L1TD1: variants seen among roughly 807,000 people sequenced by gnomAD.
L1TD1 encodes the protein LINE-1 type transposase domain-containing protein 1.
A neutral mutation model predicts 25.7 loss-of-function variants in L1TD1; 26 were observed. The ratio of observed to expected loss-of-function variants is 1.01; its 90% CI spans 0.74 to 1.40. The LOEUF (loss-of-function observed/expected upper bound fraction) is 1.40. Among genes scored for constraint, L1TD1 ranks in the 40% most tolerant of loss-of-function variants. The pLI is 0.00. For missense variants in L1TD1, 1,130 were observed against 975.0 expected, an observed-to-expected ratio of 1.16 and a Z score of -2.12; for synonymous variants, 421 against 335.6, an observed-to-expected ratio of 1.25 and a Z score of -2.78.
At chr1:62,198,857 T>G (rs75531839) in intron 2 of L1TD1, among the ~76,000 whole-genome samples, 1 of 152,024 alleles carries the variant, frequency 6.6e-6, no homozygotes, top group South Asian at 2.1e-4. Flanking sequence ...TTTTTTTTTT[T>G]GGCAGGGTCT....
intron 2 of L1TD1, among the ~76,000 whole-genome samples, chr1:62,203,065 G>A (rs1276221562): frequency 1.3e-5 from 2 of 151,890 alleles, no homozygotes; most frequent in Admixed American, 6.6e-5. Context: ...CAAGCAATCC[G>A]CTCACTCACC....
rs765516416 is a variant in L1TD1, at chr1:62,207,213, A to G, written c.585A>G (p.Thr195=). The G allele has an allele frequency of 6.4e-7, 1 of 1,551,820 alleles. No homozygotes were observed. The highest frequency in any genetic ancestry group is 1.2e-5 in the South Asian group (1 of 84,108). ...ATCGCAATGTCCATTTAGAATTTAC[A>G]GAAAGAGAGAGTAGGAAGGATGGAG... is the stretch of plus-strand genomic sequence containing the variant. The part of the protein sequence containing the change: ...DGNRNVHLEF[T]ERESRKDGED... Residue 195 remains threonine, a synonymous_variant, in exon 3 of 4, where the codon ACA becomes ACG. Coordinates refer to ENST00000498273, the MANE Select transcript of L1TD1 (RefSeq NM_019079.5).
chr1:62,197,721 C>G (rs1440995605), intron 2 of L1TD1, among the ~76,000 whole-genome samples: 1 of 151,736 alleles, frequency 6.6e-6, no homozygotes, highest in African/African-American at 2.4e-5. Context: ...CCTAAAAATA[C>G]AAAAATTAGC....
At position 62,210,864 on chromosome 1, in the gene L1TD1, C is replaced by G; in HGVS notation, c.2090C>G (p.Ser697Cys). The G allele has an allele frequency of 1.9e-6, 3 of 1,551,240 alleles. No individual in the cohort carries two copies. The highest frequency in any genetic ancestry group is 2.6e-6 in the Non-Finnish European group (3 of 1,146,906). ...AGGCAAAGAGATATAGAGGAGAGAT[C>G]TAGAAGTTGCAACATTCGTTTGATA... ...KERQRDIEER[S>C]RSCNIRLIGI... Residue 697 changes from serine (S) to cysteine (C), a missense_variant, in exon 4 of 4, where the codon TCT becomes TGT. Coordinates refer to ENST00000498273, the MANE Select transcript of L1TD1 (RefSeq NM_019079.5).
chr1:62,207,667 C>T, intron 3 of L1TD1, 31 bp downstream of exon 3: 2 of 1,476,748 alleles, frequency 1.4e-6, no homozygotes, highest in Middle Eastern at 2.0e-4. Context: ...ATGTATAAAG[C>T]TTATGTATAA....
intron 2 of L1TD1, among the ~76,000 whole-genome samples, chr1:62,204,290 ACT>A (rs2149100015): frequency 6.6e-6 from 1 of 151,860 alleles, no homozygotes; most frequent in Admixed American, 6.6e-5. Flanking sequence ...TGGTAATTTA[ACT>A]TTAATTTTTA....
intron 2 of L1TD1, among the ~76,000 whole-genome samples, chr1:62,205,385 CTCTT>C (rs1454971374): frequency 0.026 from 1,453 of 55,214 alleles, 28 homozygotes; most frequent in African/African-American, 0.052. Flanking sequence ...CTCTCTCTCT[CTCTT>C]TCTCTCTCTC....
Position 62,209,882 on chromosome 1 carries a change from G to A in L1TD1, c.1108G>A (p.Glu370Lys). 1 of 1,614,140 alleles carries A rather than the reference G, an allele frequency of 6.2e-7. No individual in the cohort carries two copies. Residue 370 changes from glutamate to lysine, a missense_variant, in exon 4 of 4, where the codon GAG becomes AAG. Glu to Lys is a moderately conservative substitution (Grantham distance 56). Transcript: ENST00000498273. The part of the protein sequence containing the change: ...LKEVKVAKPE[E>K]MKNLETQEEE... ...AGAAGTAAAAGTTGCTAAGCCAGAG[G>A]AGATGAAAAACTTAGAGACTCAAGA...
intron 2 of L1TD1, among the ~76,000 whole-genome samples, chr1:62,205,578 C>T (rs996733739): frequency 1.5e-4 from 23 of 150,858 alleles, no homozygotes; most frequent in African/African-American, 4.1e-4. Context: ...ATTACAGGCA[C>T]GTGCCACCAT....
At chr1:62,197,377 G>A (rs1231132330) in intron 2 of L1TD1, among the ~76,000 whole-genome samples, 1 of 125,778 alleles carries the variant, frequency 8.0e-6, no homozygotes, top group South Asian at 2.7e-4. Flanking sequence ...AGAGTGAGAC[G>A]CCCTCTCAAA....
chr1:62,195,720 C>T (rs888475114), intron 1 of L1TD1, among the ~76,000 whole-genome samples: 2 of 151,114 alleles, frequency 1.3e-5, no homozygotes, highest in South Asian at 2.1e-4. Flanking sequence ...CCATTGCGCT[C>T]CAGACTGGGC....
chr1:62,211,164 C>A lies in L1TD1; in HGVS notation c.2390C>A (p.Ser797Ter), dbSNP rs753058408. The A allele has an allele frequency of 2.6e-6, 4 of 1,551,006 alleles. No homozygotes were observed. In the South Asian group the frequency reaches 4.8e-5, roughly 18 times the overall value. Residue 797 changes from serine (S) to a stop codon, truncating the protein, a stop_gained, in exon 4 of 4, where the codon TCA becomes TAA. Transcript: ENST00000498273. LOFTEE classifies it low-confidence loss of function (END_TRUNC). ...AGAATCAGGTTGACAGCAGACTTAT[C>A]ACTGGACACACTGGATGCTAGAAGT... ...GTRIRLTADL[S>*]LDTLDARSKW...
Position 62,210,425 on chromosome 1 carries a change from C to T in L1TD1, c.1651C>T (p.Leu551=). 1.2e-6 allele frequency: 2 copies of T among 1,614,148 alleles called. No homozygotes were observed. The highest frequency in any genetic ancestry group is 1.7e-6 in the Non-Finnish European group (2 of 1,180,028). Residue 551 remains leucine, a synonymous_variant, in exon 4 of 4, where the codon CTG becomes TTG. Transcript: ENST00000498273. ...AAGTCAAGGAACTGGCACACCCTGT[C>T]TGACCTTATGTTTGGCCTCTCCCTC... ...PTSQGTGTPC[L]TLCLASPSKS...
chr1:62,211,431 A>G lies in L1TD1; in HGVS notation c.*59A>G, dbSNP rs1012470461. 2.6e-5 allele frequency: 39 copies of G among 1,520,250 alleles called. No individual in the cohort carries two copies. The highest frequency in any genetic ancestry group is 5.6e-5 in the African/African-American group (4 of 71,816). The allele number at this position is 1,520,250 out of a possible 1,614,324, so 94.2% of individuals were successfully genotyped here. On this transcript the variant is annotated 3_prime_UTR_variant, in exon 4 of 4. Transcript: ENST00000498273. ...TCCCCCAGCATGCATCCAAAAATCA[A>G]CAAGTAAAACGAAAATACACTTCTA...
At chr1:62,196,111 AT>A (rs1670534343) in intron 1 of L1TD1, among the ~76,000 whole-genome samples, 1 of 152,158 alleles carries the variant, frequency 6.6e-6, no homozygotes, top group Non-Finnish European at 1.5e-5. Context: ...ATTTTCTTCA[AT>A]TTCCTCCGAT....
Position 62,205,435 on chromosome 1 carries a change from A to ATTTTTTTTTTTTTT in L1TD1, c.-110-1083_-110-1082insTTTTTTTTTTTTTT, listed in dbSNP as rs1220640977. Among the ~76,000 whole-genome samples, 20 of 36,032 alleles carry ATTTTTTTTTTTTTT rather than the reference A, an allele frequency of 5.6e-4. 1 individual carries two copies. The highest frequency in any genetic ancestry group is 7.8e-4 in the Non-Finnish European group (13 of 16,710). The allele number at this position is 36,032 out of a possible 152,430, so 23.6% of individuals were successfully genotyped here. A position where few individuals can be genotyped will look rare whatever the true frequency, so the allele number is the denominator to read the frequency against. The stretch of plus-strand genomic sequence containing the variant: ...TCTCTCTCTATATATATATATATAT[A>ATTTTTTTTTTTTTT]TATATATATTTTTTTTTAGACAGTC... On this transcript the variant is annotated intron_variant, in intron 2 of 3. Transcript: ENST00000498273.
chr1:62,200,993 C>T (rs1164970732), intron 2 of L1TD1, among the ~76,000 whole-genome samples: 5 of 151,796 alleles, frequency 3.3e-5, no homozygotes, highest in Admixed American at 6.6e-5. Context: ...AGTGCAGTGG[C>T]GTTAACCCTA....
At chr1:62,197,149 G>A (rs923322413) in intron 2 of L1TD1, among the ~76,000 whole-genome samples, 2 of 151,900 alleles carry the variant, frequency 1.3e-5, no homozygotes, top group Non-Finnish European at 1.5e-5. Flanking sequence ...ACTTTGGGAG[G>A]TTGAGGAGGC....
intron 2 of L1TD1, among the ~76,000 whole-genome samples, chr1:62,203,284 A>C (rs555472861): frequency 6.6e-6 from 1 of 152,306 alleles, no homozygotes; most frequent in South Asian, 2.1e-4. Flanking sequence ...TATACTGTTT[A>C]AGTATACAAT....
Sources: allele counts gnomAD v4.1 joint callset (sites outside exome capture counted in the v4.1 genomes callset), GRCh38; gene constraint gnomAD v4.1.1; transcripts MANE v1.5; gene names NCBI Gene and HGNC (gene_info 2026-07-23, HGNC 2026-07-21).